Variants in EXOC3L4 observed in about 807,000 individuals in gnomAD.
The protein encoded by EXOC3L4 is exocyst complex component 3 like 4.
A neutral mutation model predicts 69.7 loss-of-function variants in EXOC3L4; 62 were observed. The ratio of observed to expected loss-of-function variants is 0.89; its 90% CI spans 0.72 to 1.10. EXOC3L4 has a LOEUF of 1.10. Ranked by LOEUF, EXOC3L4 falls within the 50% of genes least tolerant of loss-of-function variation. The pLI, the probability that EXOC3L4 is intolerant of heterozygous loss-of-function variation, is 0.00. For synonymous variants in EXOC3L4, 502 were observed against 464.2 expected (o/e 1.08, Z -1.05); for missense variants, 1,087 against 1,034.8 (o/e 1.05, Z -0.69).
At chr14:103,108,318 C>T in intron 10 of EXOC3L4, 78 bp from the exon 11 acceptor site, 2 of 1,569,918 alleles carry the variant, frequency 1.3e-6, no homozygotes, top group Non-Finnish European at 1.7e-6. Flanking sequence ...TGACCTCGCA[C>T]TGACCTCGCG....
Position 103,102,513 on chromosome 14 carries a change from T to G in EXOC3L4, c.790T>G (p.Trp264Gly), listed in dbSNP as rs1890257916. 7.2e-7 allele frequency: 1 copy of G among 1,388,160 alleles called. No individual in the cohort carries two copies. The highest frequency in any genetic ancestry group is 9.3e-7 in the Non-Finnish European group (1 of 1,076,798). 86.0% of individuals were successfully genotyped at this position (1,388,160 alleles called of 1,614,324 possible). Reference protein sequence around the residue: ...QERVRRPGAGWAFGEAEGASG... With the variant: ...QERVRRPGAGGAFGEAEGASG... Reference sequence around the variant, plus strand: ...GCGCGTGCGGCGGCCGGGCGCGGGGTGGGCCTTCGGGGAGGCGGAGGGCGC... The same window carrying G: ...GCGCGTGCGGCGGCCGGGCGCGGGGGGGGCCTTCGGGGAGGCGGAGGGCGC... Residue 264 changes from tryptophan to glycine, a missense_variant, in exon 3 of 12, where the codon TGG becomes GGG. Physicochemically the swap from Trp to Gly is radical, Grantham distance 184. Coordinates refer to ENST00000688303, the MANE Select transcript of EXOC3L4 (RefSeq NM_001077594.2).
rs1478456348 is a variant in EXOC3L4 at position 103,110,238 on chromosome 14, A to G, written c.*15A>G. 8.7e-6 allele frequency: 13 copies of G among 1,496,750 alleles called. No homozygotes were observed. Among genetic ancestry groups the G allele is most frequent in the Non-Finnish European group, 1.2e-5 (13 of 1,122,864 alleles). The allele number at this position is 1,496,750 out of a possible 1,614,324, so 92.7% of individuals were successfully genotyped here. ...CCTGCGTCTAGTTCTCTCTGGCTCG[A>G]GGGGGGGCCGGCCGCTGGCAGGGAG... On this transcript the variant is annotated 3_prime_UTR_variant, in exon 12 of 12. Coordinates refer to ENST00000688303, the MANE Select transcript of EXOC3L4 (RefSeq NM_001077594.2).
At position 103,107,536 on chromosome 14, in the gene EXOC3L4, G is replaced by C. The variant is rs147044211; in HGVS notation, c.1694G>C (p.Arg565Pro). The C allele has an allele frequency of 6.2e-7, 1 of 1,613,638 alleles. No homozygotes were observed. Among genetic ancestry groups the C allele is most frequent in the Non-Finnish European group, 8.5e-7 (1 of 1,180,000 alleles). ...CATCTCCAGCGTGTGGCCCGGCCGC[G>C]GGCACAGGTACCACAAGGGGGAGGG... ...AGHLQRVARP[R>P]AQETLQEVHR... is the part of the protein sequence containing the mutation. Residue 565 changes from arginine (R) to proline (P), a missense_variant, in exon 9 of 12, where the codon CGG (arginine) becomes CCG (proline). Physicochemically the swap from Arg to Pro is moderately radical, Grantham distance 103. Coordinates refer to ENST00000688303, the MANE Select transcript of EXOC3L4 (RefSeq NM_001077594.2).
chr14:103,103,894 C>CCG, intron 3 of EXOC3L4, 47 bp from the exon 4 acceptor site: 1 of 1,362,902 alleles, frequency 7.3e-7, no homozygotes, highest in Non-Finnish European at 1.0e-6. Context: ...GCAGCGGCTG[C>CCG]CGCATCAGAG....
rs1434118475 is a variant in EXOC3L4 at position 103,103,789 on chromosome 14, C to CGTGTGT, written c.1050-151_1050-150insTGTGTG. On this transcript the variant is annotated intron_variant, in intron 3 of 11. Transcript: ENST00000688303. The stretch of plus-strand genomic sequence containing the variant: ...GGGGTGTGGCATGGCAGCCTAGAGG[C>CGTGTGT]GCGCGCGCGTGTGTGTGTGTGTGTG... 1.1e-4 allele frequency: 49 copies of CGTGTGT among 461,148 alleles called. No individual in the cohort carries two copies. The African/African-American group carries it at 1.1e-3, about 11-fold the overall frequency. The allele number at this position is 461,148 out of a possible 1,614,324, so 28.6% of individuals were successfully genotyped here.
rs562165735 is a variant in EXOC3L4 at position 103,102,054 on chromosome 14, G to T, written c.395-64G>T. Reference sequence around the variant, plus strand: ...CGATGGATTGAGCCGTGGCCTGCAGGTCTTCGTCCAGGTTCGGGTCTTGGG... The same window carrying T: ...CGATGGATTGAGCCGTGGCCTGCAGTTCTTCGTCCAGGTTCGGGTCTTGGG... On this transcript the variant is annotated intron_variant, in intron 2 of 11. Coordinates refer to ENST00000688303, the MANE Select transcript of EXOC3L4 (RefSeq NM_001077594.2). 2,984 of 1,497,852 alleles carry T rather than the reference G, an allele frequency of 2.0e-3. 49 individuals carry two copies. Among genetic ancestry groups the T allele is most frequent in the East Asian group, 4.7e-4 (19 of 40,352 alleles). 92.8% of individuals were successfully genotyped at this position (1,497,852 alleles called of 1,614,324 possible).
intron 5 of EXOC3L4, 61 bp from the exon 6 acceptor site, chr14:103,104,677 G>A (rs1890430679): frequency 7.3e-7 from 1 of 1,374,114 alleles, no homozygotes; most frequent in Non-Finnish European, 9.5e-7. Context: ...GGGCTACCAG[G>A]GGACCCGCGG....
At chr14:103,096,816 T>C (rs939494179) in intron 1 of EXOC3L4, among the ~76,000 whole-genome samples, 27 of 152,290 alleles carry the variant, frequency 1.8e-4, no homozygotes, top group African/African-American at 6.5e-4. Flanking sequence ...AAGATTCTTA[T>C]GACTGATCCG....
chr14:103,107,933 G>A (rs900588744), intron 10 of EXOC3L4, 150 bp downstream of exon 10: 16 of 1,178,362 alleles, frequency 1.4e-5, no homozygotes, highest in East Asian at 7.8e-5. Flanking sequence ...CTGTGGGGCT[G>A]GGGGGTGGAG....
In EXOC3L4 at chr14:103,103,978, G is replaced by A; in HGVS notation, c.1087G>A (p.Ala363Thr). The A allele has an allele frequency of 1.3e-6, 2 of 1,558,244 alleles. No homozygotes were observed. ...GGGCGCCCCGGGGCTGGCGCTGCCC[G>A]CCGAGCCGCTGCCTCCGCTCCTGGC... ...FLGAPGLALP[A>T]EPLPPLLAPD... Residue 363 changes from alanine (A) to threonine (T), a missense_variant, in exon 4 of 12, where the codon GCC becomes ACC. By Grantham distance (58) the Ala-to-Thr change is moderately conservative. Transcript: ENST00000688303.
Position 103,110,488 on chromosome 14 carries a change from C to T in EXOC3L4, c.*265C>T, listed in dbSNP as rs1250397621. ...GGGCGGGGGGGGGCCTCCCGCCCGA[C>T]TGTCCAGCTTCACCCTCCAGTCTGA... On this transcript the variant is annotated 3_prime_UTR_variant, in exon 12 of 12. Transcript: ENST00000688303. 3.5e-5 allele frequency: 21 copies of T among 607,816 alleles called. No individual in the cohort carries two copies. Among genetic ancestry groups the T allele is most frequent in the Non-Finnish European group, 6.3e-5 (21 of 334,178 alleles). The allele number at this position is 607,816 out of a possible 1,614,324, so 37.7% of individuals were successfully genotyped here.
intron 5 of EXOC3L4, 107 bp downstream of exon 5, chr14:103,104,496 T>C: frequency 7.2e-7 from 1 of 1,389,812 alleles, no homozygotes. Context: ...ACCCTTCCGT[T>C]AGATGGGAGC....
At chr14:103,096,190 C>CA (rs1218874984) in intron 1 of EXOC3L4, among the ~76,000 whole-genome samples, 1 of 150,932 alleles carries the variant, frequency 6.6e-6, no homozygotes, top group Non-Finnish European at 1.5e-5. Context: ...CCTGTCTCTA[C>CA]AAAAAATATA....
chr14:103,100,529 C>A lies in EXOC3L4; in HGVS notation c.310C>A (p.Pro104Thr), dbSNP rs767417275. The A allele has an allele frequency of 1.9e-6, 3 of 1,612,840 alleles. No homozygotes were observed. Among genetic ancestry groups the A allele is most frequent in the Non-Finnish European group, 2.5e-6 (3 of 1,179,728 alleles). ...AGCTACCGGCCATTCCCAGGCCACT[C>A]CTGAGGTGCCCTCGGGGGTCATGAA... Reference protein sequence around the residue: ...GPATGHSQATPEVPSGVMNGV... With the variant: ...GPATGHSQATTEVPSGVMNGV... The change falls in exon 2 of 12, where the codon CCT becomes ACT. Residue 104 changes from proline to threonine, a missense_variant. Physicochemically the swap from Pro to Thr is conservative, Grantham distance 38. Transcript: ENST00000688303.
chr14:103,101,201 G>C (rs1890170928), intron 2 of EXOC3L4, among the ~76,000 whole-genome samples: 1 of 152,004 alleles, frequency 6.6e-6, no homozygotes, highest in Middle Eastern at 3.4e-3. Context: ...CACTGTGCCT[G>C]GCCTAATTTT....
At position 103,105,055 on chromosome 14, in the gene EXOC3L4, C is replaced by A; in HGVS notation, c.1449C>A (p.Asn483Lys). The part of the protein sequence containing the change: ...VSEPHLGAYI[N>K]ACEELRTSLL... Reference sequence around the variant, plus strand: ...AGCCGCACCTGGGCGCCTACATCAACGCCTGCGAGGAGCTCAGGTAGGGCT... The same window carrying A: ...AGCCGCACCTGGGCGCCTACATCAAAGCCTGCGAGGAGCTCAGGTAGGGCT... The change falls in exon 7 of 12, where the codon AAC (asparagine) becomes AAA (lysine). Residue 483 changes from asparagine (N) to lysine (K), a missense_variant. By Grantham distance (94) the Asn-to-Lys change is moderately conservative. Coordinates refer to ENST00000688303, the MANE Select transcript of EXOC3L4 (RefSeq NM_001077594.2). The A allele has an allele frequency of 1.2e-6, 2 of 1,611,702 alleles. No individual in the cohort carries two copies. The highest frequency in any genetic ancestry group is 1.7e-6 in the Non-Finnish European group (2 of 1,178,222).
At chr14:103,108,011 C>T (rs185748906) in intron 10 of EXOC3L4, among the ~76,000 whole-genome samples, 1 of 152,226 alleles carries the variant, frequency 6.6e-6, no homozygotes, top group African/African-American at 2.4e-5. Context: ...GGGGAAGGGG[C>T]GAGGGTCACA....
At chr14:103,099,263 C>T (rs1890041293) in intron 1 of EXOC3L4, among the ~76,000 whole-genome samples, 3 of 152,214 alleles carry the variant, frequency 2.0e-5, no homozygotes, top group Admixed American at 2.0e-4. Context: ...CCTCTCCCAA[C>T]CTAAAGCCAG....
intron 3 of EXOC3L4, among the ~76,000 whole-genome samples, chr14:103,103,176 CA>C (rs1259355704): frequency 6.6e-6 from 1 of 152,006 alleles, no homozygotes; most frequent in Non-Finnish European, 1.5e-5. Context: ...TCAGCCTGGC[CA>C]ACACGGTGAA....
Sources: allele counts gnomAD v4.1 joint callset (sites outside exome capture counted in the v4.1 genomes callset), GRCh38; gene constraint gnomAD v4.1.1; transcripts MANE v1.5; gene names NCBI Gene and HGNC (gene_info 2026-07-23, HGNC 2026-07-21).